The following ARHGAP28 variants were observed in gnomAD, a reference collection of about 807,000 sequenced individuals.
The protein encoded by ARHGAP28 is rho GTPase-activating protein 28.
ARHGAP28 carries 56 observed loss-of-function variants against 90.7 expected under a neutral mutation model. The observed-to-expected ratio is 0.62, with a 90% CI of 0.50 to 0.77. ARHGAP28 has a LOEUF of 0.77. ARHGAP28 is among the 30% of genes least tolerant of loss of function. ARHGAP28 has a pLI of 0.00. For missense variants in ARHGAP28, 869 were observed against 900.9 expected (o/e 0.96, Z 0.45); for synonymous variants, 308 against 323.3 (o/e 0.95, Z 0.51).
intron 1 of ARHGAP28, 88 bp downstream of exon 1, chr18:6,730,031 G>C: frequency 5.7e-6 from 7 of 1,220,426 alleles, no homozygotes; most frequent in Non-Finnish European, 7.3e-6. Flanking sequence ...CTGAGCGCAC[G>C]ACCGCCGTCA....
chr18:6,910,885 C>T (rs1329634710), intron 17 of ARHGAP28, among the ~76,000 whole-genome samples: 1 of 135,044 alleles, frequency 7.4e-6, no homozygotes, highest in Non-Finnish European at 1.6e-5. Context: ...CGCTCTGTCG[C>T]CCAGGCTGGA....
At chr18:6,859,470 G>T (rs144859971) in intron 4 of ARHGAP28, among the ~76,000 whole-genome samples, 3 of 152,236 alleles carry the variant, frequency 2.0e-5, no homozygotes, top group African/African-American at 7.2e-5. Flanking sequence ...CTTACACCTT[G>T]TCGGCCACGT....
intron 10 of ARHGAP28, among the ~76,000 whole-genome samples, chr18:6,880,279 G>T (rs2057167215): frequency 6.6e-6 from 1 of 152,084 alleles, no homozygotes; most frequent in Non-Finnish European, 1.5e-5. Flanking sequence ...TGATTCTTGA[G>T]AATTTTCCCT....
At chr18:6,896,737 C>A in intron 16 of ARHGAP28, 111 bp downstream of exon 16, 1 of 1,263,320 alleles carries the variant, frequency 7.9e-7, no homozygotes, top group Non-Finnish European at 1.1e-6. Context: ...GAACCTGTTG[C>A]TTTAGGGAGT....
intron 10 of ARHGAP28, 60 bp from the exon 11 acceptor site, chr18:6,882,077 G>C: frequency 2.7e-6 from 4 of 1,498,730 alleles, no homozygotes; most frequent in Non-Finnish European, 1.8e-6. Flanking sequence ...TTTTCGAAGG[G>C]GAAAATGGGG....
chr18:6,752,297 A>G (rs1164785238), intron 1 of ARHGAP28, among the ~76,000 whole-genome samples: 2 of 152,214 alleles, frequency 1.3e-5, no homozygotes, highest in South Asian at 2.1e-4. Context: ...ATTGAGTTCT[A>G]TAAACACAAT....
At chr18:6,741,940 A>G (rs2055981320) in intron 1 of ARHGAP28, among the ~76,000 whole-genome samples, 1 of 152,106 alleles carries the variant, frequency 6.6e-6, no homozygotes, top group African/African-American at 2.4e-5. Flanking sequence ...AGTATAAAAG[A>G]TGGTTTTAAA....
intron 1 of ARHGAP28, among the ~76,000 whole-genome samples, chr18:6,741,331 A>G (rs2055975610): frequency 1.3e-5 from 2 of 152,138 alleles, no homozygotes; most frequent in African/African-American, 4.8e-5. Flanking sequence ...CTGTGATTAC[A>G]AGGTCGACTT....
chr18:6,794,801 A>G (rs943937196), intron 1 of ARHGAP28, among the ~76,000 whole-genome samples: 5 of 151,734 alleles, frequency 3.3e-5, no homozygotes, highest in Non-Finnish European at 7.4e-5. Context: ...TCTTACCTCA[A>G]CCTCCAAAAT....
intron 1 of ARHGAP28, chr18:6,789,981 C>T (rs555113299): frequency 6.6e-6 from 1 of 152,078 alleles, no homozygotes; most frequent in African/African-American, 2.4e-5. Context: ...GTGTGCACCA[C>T]CACCCCCGGC....
At chr18:6,813,776 G>T (rs1253934912) in intron 1 of ARHGAP28, among the ~76,000 whole-genome samples, 1 of 152,092 alleles carries the variant, frequency 6.6e-6, no homozygotes, top group Non-Finnish European at 1.5e-5. Flanking sequence ...TCAATAATTA[G>T]CTGTGTCATT....
intron 1 of ARHGAP28, among the ~76,000 whole-genome samples, chr18:6,735,711 T>C (rs2143133916): frequency 6.6e-6 from 1 of 152,168 alleles, no homozygotes. Context: ...CATGCCACCA[T>C]GCCTGACTAA....
chr18:6,842,197 T>G (rs2143920629), intron 3 of ARHGAP28, among the ~76,000 whole-genome samples: 1 of 152,196 alleles, frequency 6.6e-6, no homozygotes. Context: ...AAAAAAATTT[T>G]TTTAAATTAG....
intron 16 of ARHGAP28, among the ~76,000 whole-genome samples, chr18:6,907,519 A>G (rs1555637294): frequency 1.3e-5 from 2 of 150,952 alleles, no homozygotes; most frequent in Non-Finnish European, 3.0e-5. Flanking sequence ...CTAGGGATTT[A>G]TGCCAAGTGG....
chr18:6,883,103 T>C (rs190479183), intron 11 of ARHGAP28, among the ~76,000 whole-genome samples: 175 of 152,296 alleles, frequency 1.1e-3, no homozygotes, highest in Non-Finnish European at 1.9e-3. Context: ...AAAAGGTCTG[T>C]GTCCAAACTG....
intron 16 of ARHGAP28, among the ~76,000 whole-genome samples, chr18:6,903,826 CAAAA>C (rs35606759): frequency 6.4e-4 from 54 of 84,050 alleles, no homozygotes; most frequent in African/African-American, 2.5e-3. Context: ...GACTCCATCT[CAAAA>C]AAAAAAAAAA....
intron 2 of ARHGAP28, among the ~76,000 whole-genome samples, chr18:6,825,332 G>A (rs371024337): frequency 2.0e-5 from 3 of 152,068 alleles, no homozygotes; most frequent in South Asian, 4.1e-4. Flanking sequence ...ATTAATTAGA[G>A]TAATTAATAC....
intron 1 of ARHGAP28, among the ~76,000 whole-genome samples, chr18:6,741,984 A>G (rs761444776): frequency 3.3e-5 from 5 of 152,156 alleles, no homozygotes; most frequent in African/African-American, 4.8e-5. Context: ...ATGGTTTAGA[A>G]GGGTAATGAA....
At chr18:6,772,003 A>G (rs1261051158) in intron 1 of ARHGAP28, among the ~76,000 whole-genome samples, 1 of 152,190 alleles carries the variant, frequency 6.6e-6, no homozygotes, top group East Asian at 1.9e-4. Flanking sequence ...TACCCCATAA[A>G]TATGTAAAAT....
Sources: gnomAD v4.1 joint callset for allele counts (sites outside exome capture counted in the v4.1 genomes callset) on GRCh38, gnomAD v4.1.1 for gene constraint, MANE v1.5 for transcripts, NCBI Gene and HGNC (gene_info 2026-07-23, HGNC 2026-07-21) for gene names.